The following TMEM51 variants were observed in gnomAD, a reference collection of about 807,000 sequenced individuals.
TMEM51 encodes the protein transmembrane protein 51, also known as chromosome 1 open reading frame 72.
In TMEM51, 8 loss-of-function variants were observed where a neutral mutation model predicts 13.6. The ratio of observed to expected loss-of-function variants is 0.59; its 90% CI spans 0.35 to 1.07. The LOEUF (loss-of-function observed/expected upper bound fraction) is 1.07. TMEM51 is among the 50% of genes least tolerant of loss of function. TMEM51 has a pLI of 0.02. For missense variants in TMEM51, 279 were observed against 330.7 expected (o/e 0.84, Z 1.21); for synonymous variants, 147 against 144.4 (o/e 1.02, Z -0.13).
At chr1:15,202,893 C>T (rs868460574) in intron 1 of TMEM51, among the ~76,000 whole-genome samples, 1 of 152,174 alleles carries the variant, frequency 6.6e-6, no homozygotes, top group South Asian at 2.1e-4. Flanking sequence ...TGCAGGACCC[C>T]GCTTCTTCTC....
chr1:15,175,463 T>C (rs572197879), intron 1 of TMEM51, among the ~76,000 whole-genome samples: 2 of 152,346 alleles, frequency 1.3e-5, no homozygotes, highest in South Asian at 4.1e-4. Flanking sequence ...AGTGGTTTTC[T>C]GTTCCCCTTC....
At chr1:15,196,258 C>T (rs530536830) in intron 1 of TMEM51, among the ~76,000 whole-genome samples, 105 of 152,248 alleles carry the variant, frequency 6.9e-4, no homozygotes, top group African/African-American at 2.4e-3. Context: ...TTACAACAGC[C>T]AATTATGCAC....
At chr1:15,182,876 C>A (rs568533785) in intron 1 of TMEM51, among the ~76,000 whole-genome samples, 1 of 152,300 alleles carries the variant, frequency 6.6e-6, no homozygotes, top group African/African-American at 2.4e-5. Flanking sequence ...GATTCTCCTA[C>A]CACAGCCTCC....
intron 1 of TMEM51, among the ~76,000 whole-genome samples, chr1:15,158,260 C>T (rs756397119): frequency 6.6e-6 from 1 of 152,182 alleles, no homozygotes; most frequent in Non-Finnish European, 1.5e-5. Context: ...AGTGCAAAGA[C>T]GTTTCCAATT....
chr1:15,192,471 A>AC, intron 1 of TMEM51: 1 of 20,834 alleles, frequency 4.8e-5, no homozygotes, highest in Non-Finnish European at 8.0e-5. Flanking sequence ...CTTTTTTTTT[A>AC]TGACAGAATC....
At chr1:15,156,811 C>T (rs1241154960) in intron 1 of TMEM51, among the ~76,000 whole-genome samples, 1 of 152,178 alleles carries the variant, frequency 6.6e-6, no homozygotes, top group Non-Finnish European at 1.5e-5. Flanking sequence ...GACTGGAACC[C>T]AGCCCTCCTG....
At chr1:15,198,099 G>T (rs1384692276) in intron 1 of TMEM51, among the ~76,000 whole-genome samples, 1 of 152,080 alleles carries the variant, frequency 6.6e-6, no homozygotes, top group Non-Finnish European at 1.5e-5. Flanking sequence ...TTGCTGCTCT[G>T]CCAGTCTCTA....
At chr1:15,214,364 C>G (rs1321520719) in intron 2 of TMEM51, among the ~76,000 whole-genome samples, 1 of 152,128 alleles carries the variant, frequency 6.6e-6, no homozygotes, top group African/African-American at 2.4e-5. Flanking sequence ...AGGAGCCAGG[C>G]TAAGGCCACC....
chr1:15,180,747 G>A lies in TMEM51; in HGVS notation c.-267+26793G>A, dbSNP rs546881318. Among the ~76,000 whole-genome samples, 14 of 152,226 alleles carry A rather than the reference G, an allele frequency of 9.2e-5. No individual in the cohort carries two copies. The South Asian group carries it at 2.7e-3, about 29-fold the overall frequency. Reference sequence around the variant, plus strand: ...TTCCCTCACAGAGCCTTTAGCACGGGGAGCATTTAGCAAATGCTGGCTATT... The same window carrying A: ...TTCCCTCACAGAGCCTTTAGCACGGAGAGCATTTAGCAAATGCTGGCTATT... On this transcript the variant is annotated intron_variant, in intron 1 of 3. Transcript: ENST00000376008.
chr1:15,192,348 C>A, intron 1 of TMEM51: 1 of 382,262 alleles, frequency 2.6e-6, no homozygotes, highest in Non-Finnish European at 5.1e-6. Flanking sequence ...ACAACACCAA[C>A]CCTCTCCAGA....
At chr1:15,167,313 C>A (rs898892888) in intron 1 of TMEM51, among the ~76,000 whole-genome samples, 1 of 112,956 alleles carries the variant, frequency 8.9e-6, no homozygotes, top group South Asian at 3.0e-4. Context: ...GGCGACAGAG[C>A]GAGACTCCAT....
At chr1:15,162,043 G>A (rs1642798795) in intron 1 of TMEM51, among the ~76,000 whole-genome samples, 1 of 143,566 alleles carries the variant, frequency 7.0e-6, no homozygotes, top group African/African-American at 2.6e-5. Flanking sequence ...AGAGAGAAGA[G>A]GAGAGAAGGA....
At chr1:15,182,742 C>G (rs1573405700) in intron 1 of TMEM51, among the ~76,000 whole-genome samples, 1 of 152,178 alleles carries the variant, frequency 6.6e-6, no homozygotes, top group Non-Finnish European at 1.5e-5. Flanking sequence ...GCCAGCCTGA[C>G]AGAGGACACA....
At chr1:15,212,026 G>C (rs555715306) in intron 2 of TMEM51, among the ~76,000 whole-genome samples, 1 of 152,172 alleles carries the variant, frequency 6.6e-6, no homozygotes, top group East Asian at 1.9e-4. Context: ...GCTGCTTTGA[G>C]ACCATAATTT....
intron 1 of TMEM51, among the ~76,000 whole-genome samples, chr1:15,194,562 T>C (rs1644007323): frequency 6.6e-6 from 1 of 152,210 alleles, no homozygotes; most frequent in African/African-American, 2.4e-5. Flanking sequence ...GGGCCTCAGC[T>C]CAGAGGGCTA....
intron 1 of TMEM51, among the ~76,000 whole-genome samples, chr1:15,172,465 G>T (rs1643315312): frequency 6.7e-6 from 1 of 149,698 alleles, no homozygotes; most frequent in Non-Finnish European, 1.5e-5. Flanking sequence ...GAAGGAGAGA[G>T]AGAAAGAAGA....
intron 1 of TMEM51, among the ~76,000 whole-genome samples, chr1:15,179,901 A>G (rs1397479650): frequency 6.6e-6 from 1 of 152,264 alleles, no homozygotes; most frequent in African/African-American, 2.4e-5. Context: ...TTCTGGGATC[A>G]TGGAAATGTC....
At chr1:15,210,788 C>T (rs1472888885) in intron 2 of TMEM51, among the ~76,000 whole-genome samples, 1 of 152,152 alleles carries the variant, frequency 6.6e-6, no homozygotes, top group African/African-American at 2.4e-5. Flanking sequence ...ATAAAATTAG[C>T]TTCTTTCCAT....
At chr1:15,152,970 C>A (rs1163181840), upstream of TMEM51, among the ~76,000 whole-genome samples, 3 of 152,230 alleles carry the variant, frequency 2.0e-5, no homozygotes, top group African/African-American at 7.2e-5. Flanking sequence ...CTCAGCAGGG[C>A]AGGCTCCCGG....
Sources: gnomAD v4.1 joint callset for allele counts (sites outside exome capture counted in the v4.1 genomes callset) on GRCh38, gnomAD v4.1.1 for gene constraint, MANE v1.5 for transcripts, NCBI Gene and HGNC (gene_info 2026-07-23, HGNC 2026-07-21) for gene names.